Variants in GLI3 observed in about 807,000 individuals in gnomAD.
The protein encoded by GLI3 is transcription activator GLI3.
In GLI3, 20 loss-of-function variants were observed where a neutral mutation model predicts 100.8. That is an observed-to-expected ratio of 0.20 (90% CI 0.14 to 0.29). The LOEUF is 0.29. Ranked by LOEUF, GLI3 falls within the 10% of genes least tolerant of loss-of-function variation. GLI3 has a pLI of 1.00. For missense variants in GLI3, 2,040 were observed against 2,128.5 expected, an observed-to-expected ratio of 0.96 and a Z score of 0.82; for synonymous variants, 938 against 860.5, an observed-to-expected ratio of 1.09 and a Z score of -1.58.
chr7:42,178,126 C>T (rs184706466), intron 2 of GLI3, among the ~76,000 whole-genome samples: 1 of 152,328 alleles, frequency 6.6e-6, no homozygotes, highest in East Asian at 1.9e-4. Flanking sequence ...CCAGCTGTGT[C>T]CCAGCTGAGA....
At chr7:42,114,054 T>C (rs1165920338) in intron 3 of GLI3, among the ~76,000 whole-genome samples, 1 of 152,176 alleles carries the variant, frequency 6.6e-6, no homozygotes, top group East Asian at 1.9e-4. Flanking sequence ...TGGTTACCAG[T>C]GTGTCACACA....
intron 12 of GLI3, among the ~76,000 whole-genome samples, chr7:41,975,066 C>T (rs1246872175): frequency 6.6e-6 from 1 of 152,118 alleles, no homozygotes; most frequent in Non-Finnish European, 1.5e-5. Flanking sequence ...GAGGTTCAAC[C>T]GAATCAGAGC....
At chr7:42,170,287 T>TATATATACACACAC (rs1452471645) in intron 2 of GLI3, among the ~76,000 whole-genome samples, 4 of 124,004 alleles carry the variant, frequency 3.2e-5, no homozygotes, top group African/African-American at 1.2e-4. Flanking sequence ...TATATATATA[T>TATATATACACACAC]ACACACACAT....
At position 41,965,843 on chromosome 7, in the gene GLI3, G is replaced by T. The variant is rs1281364523; in HGVS notation, c.3230C>A (p.Ser1077Tyr). 1 of 1,613,636 alleles carries T rather than the reference G, an allele frequency of 6.2e-7. No individual in the cohort carries two copies. Among genetic ancestry groups the T allele is most frequent in the South Asian group, 1.1e-5 (1 of 91,062 alleles). The change falls in exon 15 of 15, where the codon TCC becomes TAC. Residue 1077 changes from serine (S) to tyrosine (Y), a missense_variant. Physicochemically the swap from Ser to Tyr is moderately radical, Grantham distance 144 (BLOSUM62 -2). This residue lies in a region of GLI3 where 1,041 missense variants were observed against 924.0 expected (regional missense o/e 1.13). Coordinates refer to ENST00000395925, the MANE Select transcript of GLI3 (RefSeq NM_000168.6). ...PSITENVTLESLTMDADANLN... is the reference protein window; with the variant it reads ...PSITENVTLEYLTMDADANLN... ...GTTGGCATCAGCGTCCATGGTCAGG[G>T]ACTCCAGGGTGACGTTCTCGGTGAT...
chr7:42,193,248 A>C (rs1787863303), intron 2 of GLI3, among the ~76,000 whole-genome samples: 1 of 152,082 alleles, frequency 6.6e-6, no homozygotes, highest in Non-Finnish European at 1.5e-5. Context: ...CACATTACAG[A>C]CCCTCTTGCC....
intron 2 of GLI3, among the ~76,000 whole-genome samples, chr7:42,148,678 G>A (rs1786781452): frequency 6.6e-6 from 1 of 152,186 alleles, no homozygotes; most frequent in African/African-American, 2.4e-5. Context: ...CAAATACACA[G>A]GGAAGGATGA....
intron 8 of GLI3, among the ~76,000 whole-genome samples, chr7:42,025,845 CTG>C (rs1789095166): frequency 6.6e-6 from 1 of 152,208 alleles, no homozygotes; most frequent in Admixed American, 6.5e-5. Context: ...TAAGTCGCAA[CTG>C]TGGTTCTAGC....
At chr7:42,118,781 A>G (rs771814382) in intron 3 of GLI3, among the ~76,000 whole-genome samples, 1 of 152,216 alleles carries the variant, frequency 6.6e-6, no homozygotes, top group Non-Finnish European at 1.5e-5. Flanking sequence ...TGACACAGTA[A>G]GCATAGAATG....
intron 1 of GLI3, among the ~76,000 whole-genome samples, chr7:42,246,802 A>T (rs59004942): frequency 0.053 from 4,809 of 90,390 alleles, 326 homozygotes; most frequent in African/African-American, 0.18. Flanking sequence ...TGGATGATAG[A>T]ATCTTTTTTT....
chr7:42,254,051 C>A (rs1343469897), intron 1 of GLI3, among the ~76,000 whole-genome samples: 2 of 152,002 alleles, frequency 1.3e-5, no homozygotes, highest in Non-Finnish European at 2.9e-5. Flanking sequence ...GAAACCCTAT[C>A]TTTGCTAAAA....
chr7:42,085,183 T>C (rs1259081801), intron 3 of GLI3, among the ~76,000 whole-genome samples: 1 of 152,086 alleles, frequency 6.6e-6, no homozygotes, highest in African/African-American at 2.4e-5. Context: ...AAAAACTGTT[T>C]GGTTATCTCA....
chr7:42,122,461 C>T (rs1339771901), intron 3 of GLI3, among the ~76,000 whole-genome samples: 5 of 141,966 alleles, frequency 3.5e-5, no homozygotes, highest in East Asian at 2.0e-4. Context: ...AGAAGAGCTT[C>T]ATACCAATAT....
chr7:42,138,181 A>C (rs1786475648), intron 3 of GLI3, among the ~76,000 whole-genome samples: 1 of 152,156 alleles, frequency 6.6e-6, no homozygotes, highest in Non-Finnish European at 1.5e-5. Context: ...TTTTAATGAA[A>C]ATAAATATCA....
intron 3 of GLI3, among the ~76,000 whole-genome samples, chr7:42,107,656 T>G (rs558414810): frequency 6.6e-6 from 1 of 152,070 alleles, no homozygotes; most frequent in South Asian, 2.1e-4. Flanking sequence ...TGTGAATGGA[T>G]GGGTGGGGAG....
At chr7:42,100,959 T>C (rs958838975) in intron 3 of GLI3, among the ~76,000 whole-genome samples, 1 of 152,138 alleles carries the variant, frequency 6.6e-6, no homozygotes, top group African/African-American at 2.4e-5. Flanking sequence ...TGACAGATAA[T>C]AAATTTCTGT....
Position 41,961,355 on chromosome 7 carries a change from C to G in GLI3, c.*2975G>C. The G allele has an allele frequency of 6.6e-6, 1 of 152,562 alleles. No homozygotes were observed. Among genetic ancestry groups the G allele is most frequent in the Non-Finnish European group, 1.5e-5 (1 of 68,052 alleles). 9.5% of individuals were successfully genotyped at this position (152,562 alleles called of 1,614,324 possible). On this transcript the variant is annotated 3_prime_UTR_variant, in exon 15 of 15. Coordinates refer to ENST00000395925, the MANE Select transcript of GLI3 (RefSeq NM_000168.6). ...AAACCAGGATACAAGACAGCCTCGACTCTGCTACCACCGTGCGCTCTCTGG... is the reference window on the plus strand; with the variant it reads ...AAACCAGGATACAAGACAGCCTCGAGTCTGCTACCACCGTGCGCTCTCTGG...
intron 2 of GLI3, among the ~76,000 whole-genome samples, chr7:42,181,805 C>T (rs1015866552): frequency 3.3e-5 from 5 of 152,108 alleles, no homozygotes; most frequent in East Asian, 1.9e-4. Context: ...AATACTCACA[C>T]GAAGGAACAA....
intron 2 of GLI3, among the ~76,000 whole-genome samples, chr7:42,183,923 G>C (rs915177892): frequency 1.3e-5 from 2 of 152,130 alleles, no homozygotes; most frequent in Non-Finnish European, 2.9e-5. Context: ...TGGAAATCGG[G>C]AGCCAGAAAT....
chr7:42,056,496 G>C (rs1050941159), intron 4 of GLI3, among the ~76,000 whole-genome samples: 9 of 152,182 alleles, frequency 5.9e-5, no homozygotes, highest in African/African-American at 1.9e-4. Flanking sequence ...GGCCACTAAA[G>C]GTGAGGGCTA....
Sources: allele counts gnomAD v4.1 joint callset (sites outside exome capture counted in the v4.1 genomes callset), GRCh38; gene constraint gnomAD v4.1.1; regional missense constraint gnomAD v4.1.1; transcripts MANE v1.5; gene names NCBI Gene and HGNC (gene_info 2026-07-23, HGNC 2026-07-21).